Variants in FSTL4 observed in about 807,000 individuals in gnomAD.
FSTL4 encodes follistatin like 4, also known as follistatin-related protein 4.
FSTL4 carries 28 observed loss-of-function variants against 78.2 expected under a neutral mutation model. The observed-to-expected ratio is 0.36, with a 90% confidence interval of 0.27 to 0.49. The LOEUF (loss-of-function observed/expected upper bound fraction) is 0.49, where lower values mean the gene tolerates loss of function less well. FSTL4 is among the 20% of genes least tolerant of loss of function. The pLI is 0.98. For synonymous variants in FSTL4, 422 were observed against 440.5 expected (o/e 0.96, Z 0.53); for missense variants, 922 against 1,084.9 (o/e 0.85, Z 2.11).
chr5:133,838,969 T>C, the FSTL4 span, among the ~76,000 whole-genome samples: 1 of 152,176 alleles, frequency 6.6e-6, no homozygotes, highest in African/African-American at 2.4e-5. Context: ...CCACAATGGC[T>C]CCAGTTGTCC....
At chr5:133,619,516 A>G in the FSTL4 span, among the ~76,000 whole-genome samples, 1 of 152,206 alleles carries the variant, frequency 6.6e-6, no homozygotes, top group African/African-American at 2.4e-5. Context: ...TGCTATTAAT[A>G]TGGGCATCAT....
chr5:133,835,116 A>G, the FSTL4 span, among the ~76,000 whole-genome samples: 178 of 152,324 alleles, frequency 1.2e-3, no homozygotes, highest in Non-Finnish European at 1.9e-3. Context: ...ACACACACAA[A>G]GACAGCAACC....
rs1753538545 is a variant in FSTL4, at chr5:133,301,488, A to G, written c.727+11166T>C. On this transcript the variant is annotated intron_variant, in intron 6 of 15. Transcript: ENST00000265342. ...GCTCTGTCTGAAGGGGATAAGGAAG[A>G]TGAGTAAGCCCAGAGACGCCACCCA... 4.6e-5 allele frequency among the ~76,000 whole-genome samples: 7 copies of G among 152,072 alleles called. No individual in the cohort carries two copies. The South Asian group carries it at 1.5e-3, about 32-fold the overall frequency.
chr5:133,823,920 G>A, the FSTL4 span, among the ~76,000 whole-genome samples: 15 of 152,308 alleles, frequency 9.8e-5, no homozygotes, highest in Admixed American at 3.3e-4. Flanking sequence ...TCCTTCTAAG[G>A]TTTAATTTTT....
At chr5:133,514,763 A>C (rs905648883) in intron 3 of FSTL4, among the ~76,000 whole-genome samples, 6 of 152,200 alleles carry the variant, frequency 3.9e-5, no homozygotes, top group Non-Finnish European at 5.9e-5. Context: ...ACCACAAAAC[A>C]ATTTATTTTT....
rs192813901 is a variant in FSTL4, at chr5:133,258,023, T to C, written c.728-8447A>G. ...ATCCAGAATCTCCTGAGCAAGTCAG[T>C]GGAGAAGAGCAAACAGTTTTTACCT... On this transcript the variant is annotated intron_variant, in intron 6 of 15. Transcript: ENST00000265342. Among the ~76,000 whole-genome samples, 497 of 152,342 alleles carry C rather than the reference T, an allele frequency of 3.3e-3. 3 individuals carry two copies. The highest frequency in any genetic ancestry group is 0.011 in the African/African-American group (458 of 41,576).
chr5:133,594,363 T>G (rs1157446262), intron 2 of FSTL4, among the ~76,000 whole-genome samples: 1 of 152,178 alleles, frequency 6.6e-6, no homozygotes, highest in East Asian at 1.9e-4. Flanking sequence ...GCTAATATTT[T>G]TGTATTTTTG....
At chr5:133,352,721 C>A (rs182228947) in intron 4 of FSTL4, among the ~76,000 whole-genome samples, 2 of 152,034 alleles carry the variant, frequency 1.3e-5, no homozygotes, top group African/African-American at 4.8e-5. Context: ...TCTATTTCTG[C>A]GTTAGTTCAC....
At chr5:133,553,121 G>A (rs1049879734) in intron 3 of FSTL4, among the ~76,000 whole-genome samples, 1 of 152,118 alleles carries the variant, frequency 6.6e-6, no homozygotes, top group Non-Finnish European at 1.5e-5. Context: ...CAGGGGGCGC[G>A]GGAGAGAGGG....
chr5:133,236,915 T>A lies in FSTL4; in HGVS notation c.895-3378A>T, dbSNP rs150567690. Among the ~76,000 whole-genome samples the A allele has an allele frequency of 4.4e-4, 67 of 152,298 alleles. 1 individual carries two copies. Among genetic ancestry groups the A allele is most frequent in the African/African-American group, 1.3e-3 (55 of 41,570 alleles). ...ACCTTGTTTGCTGTCTGTCTTCCCC[T>A]GCAGAATGTGAGCTCTGCAGAGGAG... is the stretch of plus-strand genomic sequence containing the variant. On this transcript the variant is annotated intron_variant, in intron 7 of 15. Transcript: ENST00000265342. The surrounding 1 kb of genome is among the most constrained non-coding windows in gnomAD (Gnocchi z 5.0).
rs1455276483 is a variant in FSTL4, at chr5:133,426,981, G to A, written c.161-25995C>T. Among the ~76,000 whole-genome samples, 1 of 152,054 alleles carries A rather than the reference G, an allele frequency of 6.6e-6. No individual in the cohort carries two copies. The highest frequency in any genetic ancestry group is 1.5e-5 in the Non-Finnish European group (1 of 67,994). ...ATGCCCAACGGCCCAGAGGAATTTTGGTTTATCAAACCTTGAAATACCCCA... is the reference window on the plus strand; with the variant it reads ...ATGCCCAACGGCCCAGAGGAATTTTAGTTTATCAAACCTTGAAATACCCCA... On this transcript the variant is annotated intron_variant, in intron 3 of 15. Transcript: ENST00000265342. The surrounding 1 kb of genome is among the most constrained non-coding windows in gnomAD (Gnocchi z 5.0).
the FSTL4 span, among the ~76,000 whole-genome samples, chr5:133,785,262 G>C: frequency 1.3e-5 from 2 of 152,198 alleles, no homozygotes; most frequent in African/African-American, 4.8e-5. Flanking sequence ...CCAAAGGACA[G>C]GTGGGCCTAA....
chr5:133,839,965 G>A, the FSTL4 span, among the ~76,000 whole-genome samples: 1 of 152,224 alleles, frequency 6.6e-6, no homozygotes, highest in Non-Finnish European at 1.5e-5. Flanking sequence ...TTAGCTGACA[G>A]CCTCGATCAA....
chr5:133,514,860 T>C (rs988521175), intron 3 of FSTL4, among the ~76,000 whole-genome samples: 1 of 152,178 alleles, frequency 6.6e-6, no homozygotes, highest in Non-Finnish European at 1.5e-5. Flanking sequence ...GTCTACATAG[T>C]TGTAAGGGAA....
chr5:133,802,627 A>G, the FSTL4 span, among the ~76,000 whole-genome samples: 1 of 78,782 alleles, frequency 1.3e-5, no homozygotes, highest in African/African-American at 5.1e-5. Flanking sequence ...CTCACACGGC[A>G]TTTGTTCTCT....
intron 7 of FSTL4, among the ~76,000 whole-genome samples, chr5:133,237,259 C>T (rs774217063): frequency 6.6e-6 from 1 of 152,160 alleles, no homozygotes; most frequent in Non-Finnish European, 1.5e-5. Context: ...GGCTGGGGCA[C>T]GCTGGAATTG....
At chr5:133,724,236 T>C in the FSTL4 span, among the ~76,000 whole-genome samples, 358 of 152,098 alleles carry the variant, frequency 2.4e-3, 5 homozygotes, top group Non-Finnish European at 1.1e-3. Flanking sequence ...GACTGCAGTG[T>C]CTGTGGAGGT....
intron 4 of FSTL4, among the ~76,000 whole-genome samples, chr5:133,388,709 T>C (rs1202957260): frequency 2.0e-5 from 3 of 152,140 alleles, no homozygotes; most frequent in Admixed American, 2.0e-4. Context: ...TCTTTCAGTA[T>C]AGGGCACTTA....
intron 4 of FSTL4, among the ~76,000 whole-genome samples, chr5:133,317,057 C>T (rs1355506643): frequency 6.6e-6 from 1 of 152,088 alleles, no homozygotes; most frequent in East Asian, 1.9e-4. Context: ...TTAATCCTAC[C>T]TTAAAGGCTG....
Sources: gnomAD v4.1 joint callset for allele counts (sites outside exome capture counted in the v4.1 genomes callset) on GRCh38, gnomAD v4.1.1 for gene constraint, Gnocchi (gnomAD v3.1) non-coding constraint, MANE v1.5 for transcripts, NCBI Gene and HGNC (gene_info 2026-07-23, HGNC 2026-07-21) for gene names.